Variants in PTPRT observed in about 807,000 individuals in gnomAD.
The protein encoded by PTPRT is receptor-type tyrosine-protein phosphatase T.
A neutral mutation model predicts 176.8 loss-of-function variants in PTPRT; 56 were observed. The observed-to-expected ratio is 0.32, with a 90% confidence interval of 0.26 to 0.40. PTPRT has a LOEUF of 0.40. Ranked by LOEUF, PTPRT falls within the 10% of genes least tolerant of loss-of-function variation. The probability of loss-of-function intolerance (pLI) is 1.00; values close to 1 mark genes in which losing one functional copy is unlikely to be tolerated. For missense variants in PTPRT, 1,540 were observed against 1,908.2 expected (o/e 0.81, Z 3.60); for synonymous variants, 783 against 739.0 (o/e 1.06, Z -0.96).
intron 7 of PTPRT, among the ~76,000 whole-genome samples, chr20:42,516,404 C>T (rs2072068094): frequency 6.6e-6 from 1 of 152,096 alleles, no homozygotes; most frequent in South Asian, 2.1e-4. Flanking sequence ...TATGGAATGA[C>T]AGAGAATGTA....
At chr20:42,926,490 C>T (rs993769488) in intron 1 of PTPRT, among the ~76,000 whole-genome samples, 16 of 152,196 alleles carry the variant, frequency 1.1e-4, no homozygotes, top group African/African-American at 3.9e-4. Flanking sequence ...TCCAGGACGA[C>T]ACGGGGGACA....
At chr20:42,947,535 G>T (rs940176532) in intron 1 of PTPRT, among the ~76,000 whole-genome samples, 1 of 152,098 alleles carries the variant, frequency 6.6e-6, no homozygotes, top group Non-Finnish European at 1.5e-5. Context: ...TTCTCTGGGG[G>T]ACCAGACCAA....
At chr20:42,634,040 ATTATATATATATTATAAAT>A (rs2074522406) in intron 7 of PTPRT, among the ~76,000 whole-genome samples, 16 of 30,258 alleles carry the variant, frequency 5.3e-4, no homozygotes, top group African/African-American at 2.6e-3. Flanking sequence ...TATTATATAT[ATTATATATATATTATAAAT>A]ATATAATATA....
At chr20:42,194,522 C>T (rs1991124291) in intron 16 of PTPRT, among the ~76,000 whole-genome samples, 1 of 152,132 alleles carries the variant, frequency 6.6e-6, no homozygotes, top group African/African-American at 2.4e-5. Context: ...TATTTTGAAG[C>T]ATTTTTGTTT....
intron 9 of PTPRT, among the ~76,000 whole-genome samples, chr20:42,384,559 C>G (rs1025126251): frequency 6.6e-6 from 1 of 152,148 alleles, no homozygotes; most frequent in African/African-American, 2.4e-5. Context: ...AATCATGTTG[C>G]AATGAATATG....
chr20:42,827,047 C>G (rs769268038), intron 2 of PTPRT, among the ~76,000 whole-genome samples: 1 of 152,116 alleles, frequency 6.6e-6, no homozygotes, highest in Non-Finnish European at 1.5e-5. Flanking sequence ...ACAGGAGCAC[C>G]TAGATTCATG....
chr20:42,153,622 A>G (rs939558806), intron 17 of PTPRT, among the ~76,000 whole-genome samples: 11 of 152,172 alleles, frequency 7.2e-5, no homozygotes, highest in Non-Finnish European at 1.6e-4. Flanking sequence ...TTAATGGGGA[A>G]TCTCACACGA....
intron 16 of PTPRT, among the ~76,000 whole-genome samples, chr20:42,192,456 A>G (rs563764867): frequency 1.3e-5 from 2 of 152,306 alleles, no homozygotes; most frequent in African/African-American, 4.8e-5. Flanking sequence ...ATCCCAAGGG[A>G]GTACCAAGCC....
intron 12 of PTPRT, among the ~76,000 whole-genome samples, chr20:42,310,042 C>T (rs1248490531): frequency 6.6e-6 from 1 of 152,128 alleles, no homozygotes. Context: ...TGAGAAGGTA[C>T]TAGCTCTGCA....
At chr20:42,364,004 G>A (rs1308616859) in intron 9 of PTPRT, among the ~76,000 whole-genome samples, 1 of 152,176 alleles carries the variant, frequency 6.6e-6, no homozygotes, top group Non-Finnish European at 1.5e-5. Context: ...CAGGCAGAGA[G>A]AGCTTTTGAG....
intron 2 of PTPRT, among the ~76,000 whole-genome samples, chr20:42,876,274 C>T (rs1431428061): frequency 6.6e-6 from 1 of 152,102 alleles, no homozygotes; most frequent in East Asian, 1.9e-4. Flanking sequence ...TTAAACCAAT[C>T]AATAATAATA....
intron 7 of PTPRT, among the ~76,000 whole-genome samples, chr20:42,647,703 G>A (rs2074937580): frequency 6.6e-6 from 1 of 152,158 alleles, no homozygotes; most frequent in African/African-American, 2.4e-5. Flanking sequence ...GAGACACAAG[G>A]CTGGAGGATG....
At chr20:43,187,931 G>A (rs1301402002) in intron 1 of PTPRT, among the ~76,000 whole-genome samples, 1 of 152,228 alleles carries the variant, frequency 6.6e-6, no homozygotes, top group East Asian at 1.9e-4. Context: ...GCGCCACCTG[G>A]CGGGAGCATC....
chr20:42,431,820 T>G (rs1475226499), intron 9 of PTPRT, among the ~76,000 whole-genome samples: 1 of 152,218 alleles, frequency 6.6e-6, no homozygotes, highest in Admixed American at 6.5e-5. Flanking sequence ...ACTCTCTAGA[T>G]GACTTGCTCT....
intron 1 of PTPRT, among the ~76,000 whole-genome samples, chr20:43,006,150 A>G (rs1013143519): frequency 6.6e-6 from 1 of 152,198 alleles, no homozygotes; most frequent in African/African-American, 2.4e-5. Flanking sequence ...CCACCTCGAC[A>G]TATTTTTAAA....
chr20:43,028,196 G>T (rs1353474071), intron 1 of PTPRT, among the ~76,000 whole-genome samples: 1 of 152,068 alleles, frequency 6.6e-6, no homozygotes, highest in Non-Finnish European at 1.5e-5. Flanking sequence ...TCTCCTGCAT[G>T]GACTCAGTTA....
chr20:42,792,141 C>A (rs116587352), intron 2 of PTPRT, among the ~76,000 whole-genome samples: 2 of 152,176 alleles, frequency 1.3e-5, no homozygotes, highest in African/African-American at 4.8e-5. Context: ...ACATGGAGGA[C>A]ACCTGACTTG....
chr20:42,337,351 A>G (rs1313409713), intron 11 of PTPRT, among the ~76,000 whole-genome samples: 1 of 152,218 alleles, frequency 6.6e-6, no homozygotes, highest in East Asian at 1.9e-4. Context: ...ATCAGAACCT[A>G]CAAGAGCTAC....
rs191511488 is a variant in PTPRT at position 42,716,631 on chromosome 20, G to A, written c.860-38472C>T. Among the ~76,000 whole-genome samples the A allele has an allele frequency of 3.2e-3, 487 of 152,024 alleles. 1 individual carries two copies. The highest frequency in any genetic ancestry group is 0.011 in the African/African-American group (446 of 41,476). On this transcript the variant is annotated intron_variant, in intron 6 of 30. Transcript: ENST00000373187. ...TTTTCTTGTAAATTTGTTTGAGTTCGTTGTAGATTCTGGATATTAGCCCTT... is the reference window on the plus strand; with the variant it reads ...TTTTCTTGTAAATTTGTTTGAGTTCATTGTAGATTCTGGATATTAGCCCTT...
Sources: allele counts gnomAD v4.1 joint callset (sites outside exome capture counted in the v4.1 genomes callset), GRCh38; gene constraint gnomAD v4.1.1; transcripts MANE v1.5; gene names NCBI Gene and HGNC (gene_info 2026-07-23, HGNC 2026-07-21).